Variants in MACF1 observed in about 807,000 individuals in gnomAD.
MACF1 encodes microtubule-actin cross-linking factor 1.
In MACF1, 193 loss-of-function variants were observed where a neutral mutation model predicts 854.8. The ratio of observed to expected loss-of-function variants is 0.23; its 90% CI spans 0.20 to 0.25. MACF1 has a LOEUF of 0.25. Among genes scored for constraint, MACF1 ranks in the 10% least tolerant of loss-of-function variants. The pLI is 1.00. For synonymous variants in MACF1, 3,185 were observed against 3,226.7 expected, an observed-to-expected ratio of 0.99 and a Z score of 0.44; for missense variants, 7,722 against 8,929.1, an observed-to-expected ratio of 0.86 and a Z score of 5.45.
In MACF1 at chr1:39,331,783, A is replaced by C; in HGVS notation, c.5195A>C (p.Gln1732Pro). The change falls in exon 37 of 101, where the codon CAA becomes CCA. Residue 1732 changes from glutamine (Q) to proline (P), a missense_variant. Around this residue, in one of 15 missense-constraint regions of MACF1, gnomAD observed 1,531 missense variants for 1,601.6 expected, o/e 0.96. Transcript: ENST00000564288. ...ESGFKLLPVK[Q>P]LAGGMVSLKS... is the part of the protein sequence containing the mutation. Reference sequence around the variant, plus strand: ...GGATTCAAATTACTGCCTGTCAAACAATTGGCAGGGGGGATGGTGAGCTTG... The same window carrying C: ...GGATTCAAATTACTGCCTGTCAAACCATTGGCAGGGGGGATGGTGAGCTTG... 1 of 1,614,120 alleles carries C rather than the reference A, an allele frequency of 6.2e-7. No homozygotes were observed. The highest frequency in any genetic ancestry group is 1.6e-4 in the Middle Eastern group (1 of 6,062).
chr1:39,207,481 T>C (rs1557518286), intron 1 of MACF1, among the ~76,000 whole-genome samples: 3 of 152,004 alleles, frequency 2.0e-5, no homozygotes, highest in African/African-American at 4.8e-5. Context: ...GGTTTCTCCA[T>C]GTTGGTCAGG....
intron 90 of MACF1, chr1:39,458,764 T>G: frequency 2.0e-6 from 1 of 509,858 alleles, no homozygotes; most frequent in East Asian, 3.3e-5. Flanking sequence ...CCCTAGCTGT[T>G]TACATTTGGC....
intron 2 of MACF1, among the ~76,000 whole-genome samples, chr1:39,189,300 G>A (rs550685415): frequency 2.0e-5 from 3 of 152,262 alleles, no homozygotes; most frequent in East Asian, 1.9e-4. Flanking sequence ...TTAAGTTTTC[G>A]ACCATTTGTT....
chr1:39,272,766 T>C (rs1472415645), intron 6 of MACF1, among the ~76,000 whole-genome samples: 1 of 152,238 alleles, frequency 6.6e-6, no homozygotes, highest in African/African-American at 2.4e-5. Context: ...TCTGCTTTTC[T>C]ATTCACCTAG....
At chr1:39,325,657 C>T (rs901430537) in intron 35 of MACF1, among the ~76,000 whole-genome samples, 1 of 152,146 alleles carries the variant, frequency 6.6e-6, no homozygotes, top group Non-Finnish European at 1.5e-5. Context: ...TTAGAAAGTA[C>T]AACCTTAAAC....
intron 14 of MACF1, among the ~76,000 whole-genome samples, chr1:39,286,357 CA>C (rs1387715511): frequency 2.6e-5 from 4 of 152,050 alleles, no homozygotes; most frequent in Admixed American, 2.6e-4. Context: ...TGGGACACAA[CA>C]CAACTTCTGA....
intron 2 of MACF1, among the ~76,000 whole-genome samples, chr1:39,162,754 T>G (rs750300491): frequency 7.2e-5 from 11 of 152,120 alleles, no homozygotes; most frequent in Non-Finnish European, 1.2e-4. Context: ...AATGAGATAG[T>G]GAATATAACA....
chr1:39,212,891 G>A (rs1369010069), intron 1 of MACF1, among the ~76,000 whole-genome samples: 1 of 152,202 alleles, frequency 6.6e-6, no homozygotes, highest in Non-Finnish European at 1.5e-5. Context: ...TCCCAAAAGT[G>A]CTGGCATTAT....
At chr1:39,348,837 TC>T (rs1647115455) in intron 41 of MACF1, among the ~76,000 whole-genome samples, 2 of 152,224 alleles carry the variant, frequency 1.3e-5, no homozygotes, top group African/African-American at 4.8e-5. Context: ...CCTGGCCTGT[TC>T]CTTTGATATT....
chr1:39,469,678 T>G (rs1644739949), intron 97 of MACF1, 63 bp downstream of exon 97: 1 of 1,272,764 alleles, frequency 7.9e-7, no homozygotes. Flanking sequence ...GCTTTGCTTC[T>G]TAAACTGTAA....
At position 39,346,976 on chromosome 1, in the gene MACF1, G is replaced by C. The variant is rs895206370; in HGVS notation, c.10582-1G>C. 6.3e-7 allele frequency: 1 copy of C among 1,595,036 alleles called. No homozygotes were observed. The highest frequency in any genetic ancestry group is 1.4e-5 in the African/African-American group (1 of 73,904). ...TTGTTTCCTTTTTCCATTTACCTTA[G>C]GATTTGAAACAGCCCATGGCTGAAA... On this transcript the variant is annotated splice_acceptor_variant, in intron 40 of 100. Transcript: ENST00000564288. LOFTEE classifies it high-confidence loss of function.
chr1:39,288,782 AC>A (rs1222939242), intron 15 of MACF1, among the ~76,000 whole-genome samples: 1 of 152,214 alleles, frequency 6.6e-6, no homozygotes, highest in African/African-American at 2.4e-5. Context: ...ACAGAGCAAT[AC>A]CCCATCTCAA....
chr1:39,396,330 A>T (rs1021879009), intron 58 of MACF1, among the ~76,000 whole-genome samples: 1 of 152,090 alleles, frequency 6.6e-6, no homozygotes, highest in Non-Finnish European at 1.5e-5. Context: ...AAAAAAAAAA[A>T]AAAAAGCAAC....
intron 58 of MACF1, among the ~76,000 whole-genome samples, chr1:39,414,840 G>A (rs1389229295): frequency 6.6e-6 from 1 of 152,212 alleles, no homozygotes; most frequent in Non-Finnish European, 1.5e-5. Flanking sequence ...TTATTCATTG[G>A]TGGTGTCAAC....
chr1:39,148,819 G>T (rs1557482916), intron 2 of MACF1, among the ~76,000 whole-genome samples: 1 of 152,178 alleles, frequency 6.6e-6, no homozygotes, highest in Non-Finnish European at 1.5e-5. Flanking sequence ...GAATGGAATT[G>T]CTGAGTCAAA....
At chr1:39,308,774 GC>G (rs1344331532) in intron 23 of MACF1, among the ~76,000 whole-genome samples, 4 of 151,820 alleles carry the variant, frequency 2.6e-5, no homozygotes, top group Non-Finnish European at 5.9e-5. Context: ...TCCTGCCTCA[GC>G]CTCCCAAGTA....
At chr1:39,387,100 C>A in intron 57 of MACF1, 87 bp from the exon 58 acceptor site, 1 of 1,451,262 alleles carries the variant, frequency 6.9e-7, no homozygotes, top group Non-Finnish European at 9.3e-7. Flanking sequence ...GTTCCCTTCC[C>A]CCAAGATTAG....
intron 1 of MACF1, among the ~76,000 whole-genome samples, chr1:39,226,776 T>A (rs916597192): frequency 1.3e-5 from 2 of 152,202 alleles, no homozygotes; most frequent in Non-Finnish European, 2.9e-5. Flanking sequence ...TCTGTTAACT[T>A]TTTCCTTTTT....
At chr1:39,140,855 C>A in intron 2 of MACF1, among the ~76,000 whole-genome samples, 1 of 124,542 alleles carries the variant, frequency 8.0e-6, no homozygotes, top group African/African-American at 3.1e-5. Context: ...GCGGAGGTTG[C>A]AGTGAGCCGA....
Sources: allele counts gnomAD v4.1 joint callset (sites outside exome capture counted in the v4.1 genomes callset), GRCh38; gene constraint gnomAD v4.1.1; regional missense constraint gnomAD v4.1.1; transcripts MANE v1.5; gene names NCBI Gene and HGNC (gene_info 2026-07-23, HGNC 2026-07-21).